The following ARHGAP6 variants were observed in gnomAD, a reference collection of about 807,000 sequenced individuals.
ARHGAP6 encodes the protein rho GTPase-activating protein 6.
A neutral mutation model predicts 55.7 loss-of-function variants in ARHGAP6; 16 were observed. That is an observed-to-expected ratio of 0.29 (90% confidence interval 0.19 to 0.44). ARHGAP6 has a LOEUF of 0.44. Among genes scored for constraint, ARHGAP6 ranks in the 20% least tolerant of loss-of-function variants. The pLI, the probability that ARHGAP6 is intolerant of heterozygous loss-of-function variation, is 1.00. For synonymous variants in ARHGAP6, 382 were observed against 360.9 expected (o/e 1.06, Z -0.66); for missense variants, 698 against 808.9 (o/e 0.86, Z 1.66).
At position 11,503,212 on chromosome X, in the gene ARHGAP6, T is replaced by C. The variant is rs147256104; in HGVS notation, c.588+161029A>G. Reference sequence around the variant, plus strand: ...TGCCCAGCCATATGCAGATTTTATATTGCAGAGAGGGTAGGAACCCCTAAC... The same window carrying C: ...TGCCCAGCCATATGCAGATTTTATACTGCAGAGAGGGTAGGAACCCCTAAC... On this transcript the variant is annotated intron_variant, in intron 1 of 12. Transcript: ENST00000337414. Among the ~76,000 whole-genome samples, 4 of 111,207 alleles carry C rather than the reference T, an allele frequency of 3.6e-5. No homozygotes were observed. The East Asian group carries it at 1.1e-3, about 32-fold the overall frequency.
At chrX:11,360,591 T>C (rs1286667851) in intron 1 of ARHGAP6, among the ~76,000 whole-genome samples, 25 of 108,286 alleles carry the variant, frequency 2.3e-4, no homozygotes, top group African/African-American at 7.8e-4. Context: ...CTTTGAAAAC[T>C]GGCACAAGAC....
Position 11,632,864 on chromosome X carries a change from G to A in ARHGAP6, c.588+31377C>T, listed in dbSNP as rs1298806421. ...TGTGTCCATCCCTTGGCTTTTGTGG[G>A]CTTTGCTGCTAGTGACTGGCACCTG... On this transcript the variant is annotated intron_variant, in intron 1 of 12. Transcript: ENST00000337414. 3.6e-5 allele frequency among the ~76,000 whole-genome samples: 4 copies of A among 112,009 alleles called. 1 individual carries two copies. In the Admixed American group the frequency reaches 3.8e-4, roughly 11 times the overall value.
intron 1 of ARHGAP6, among the ~76,000 whole-genome samples, chrX:11,581,744 T>C (rs1222010049): frequency 3.6e-5 from 4 of 110,533 alleles, no homozygotes; most frequent in African/African-American, 9.9e-5. Context: ...AGTAGATGAG[T>C]GGTTGCTTAC....
intron 1 of ARHGAP6, among the ~76,000 whole-genome samples, chrX:11,383,301 G>A (rs1221624123): frequency 1.8e-5 from 2 of 111,515 alleles, no homozygotes; most frequent in Admixed American, 9.5e-5. Flanking sequence ...GTGACTTGAC[G>A]AAACTCAGGA....
In ARHGAP6 at chrX:11,569,946, G is replaced by C. The variant is rs145290160; in HGVS notation, c.588+94295C>G. On this transcript the variant is annotated intron_variant, in intron 1 of 12. Coordinates refer to ENST00000337414, the MANE Select transcript of ARHGAP6 (RefSeq NM_013427.3). Reference sequence around the variant, plus strand: ...TGTTGTGAAAATGCAAAAAGAGAAAGGCTCTGAGTAGAATGCAGAGCAAAA... The same window carrying C: ...TGTTGTGAAAATGCAAAAAGAGAAACGCTCTGAGTAGAATGCAGAGCAAAA... Among the ~76,000 whole-genome samples, 117 of 111,960 alleles carry C rather than the reference G, an allele frequency of 1.0e-3. 2 individuals carry two copies. In the East Asian group the frequency reaches 0.03, roughly 29 times the overall value.
rs1417354618 is a variant in ARHGAP6 at position 11,507,698 on chromosome X, A to ATTCCATCTAG, written c.588+156542_588+156543insCTAGATGGAA. Among the ~76,000 whole-genome samples the ATTCCATCTAG allele has an allele frequency of 2.7e-5, 3 of 111,602 alleles. No individual in the cohort carries two copies. The East Asian group carries it at 8.5e-4, about 32-fold the overall frequency. On this transcript the variant is annotated intron_variant, in intron 1 of 12. Transcript: ENST00000337414. ...CATCTAGGGCTGTGGATTTCCACAG[A>ATTCCATCTAG]GGCAATTGTGCCCCCAGGCAGACAT...
intron 3 of ARHGAP6, among the ~76,000 whole-genome samples, chrX:11,195,959 CAAAAAAAAAAAAAAAAA>C (rs1024986729): frequency 1.2e-4 from 1 of 8,413 alleles, no homozygotes; most frequent in Non-Finnish European, 2.5e-4. Context: ...ACTAAAAATA[CAAAAAAAAAAAAAAAAA>C]AAAAAAAAAA....
chrX:11,514,607 C>A (rs1331668301), intron 1 of ARHGAP6, among the ~76,000 whole-genome samples: 2 of 110,424 alleles, frequency 1.8e-5, no homozygotes, highest in African/African-American at 6.6e-5. Context: ...ACCCAATGGC[C>A]TCTTATGCCT....
chrX:11,331,316 A>T (rs1298063801), intron 1 of ARHGAP6, among the ~76,000 whole-genome samples: 1 of 111,633 alleles, frequency 9.0e-6, no homozygotes, highest in African/African-American at 3.3e-5. Flanking sequence ...TTAGCATTTA[A>T]ATCAGACCCT....
intron 1 of ARHGAP6, among the ~76,000 whole-genome samples, chrX:11,356,099 A>T (rs1161130363): frequency 1.8e-5 from 2 of 111,263 alleles, no homozygotes; most frequent in Non-Finnish European, 3.8e-5. Flanking sequence ...CAGCTTTATT[A>T]ACTTTCTACT....
intron 1 of ARHGAP6, among the ~76,000 whole-genome samples, chrX:11,621,205 A>G (rs2052226154): frequency 8.9e-6 from 1 of 112,228 alleles, no homozygotes; most frequent in Non-Finnish European, 1.9e-5. Context: ...AACACAAACA[A>G]AAAATTCACT....
chrX:11,518,252 C>T (rs891073729), intron 1 of ARHGAP6, among the ~76,000 whole-genome samples: 4 of 109,815 alleles, frequency 3.6e-5, no homozygotes, highest in African/African-American at 9.9e-5. Context: ...ATGATCTTCC[C>T]GCCTCAGCCT....
At chrX:11,264,117 C>G (rs928308505) in intron 1 of ARHGAP6, among the ~76,000 whole-genome samples, 1 of 110,376 alleles carries the variant, frequency 9.1e-6, no homozygotes, top group Admixed American at 9.7e-5. Flanking sequence ...GACCCCTGGA[C>G]TGGACTAAAA....
chrX:11,567,566 A>AAAAAAAAAAAAATATATATATAT (rs1440758737), intron 1 of ARHGAP6, among the ~76,000 whole-genome samples: 94 of 84,345 alleles, frequency 1.1e-3, no homozygotes, highest in African/African-American at 1.5e-3. Context: ...AAAAAAAAAA[A>AAAAAAAAAAAAATATATATATAT]ATATATATAT....
At chrX:11,410,656 G>C (rs1261187442) in intron 1 of ARHGAP6, among the ~76,000 whole-genome samples, 1 of 112,228 alleles carries the variant, frequency 8.9e-6, no homozygotes, top group African/African-American at 3.2e-5. Context: ...TCAATAGAGA[G>C]GGTTTAAACA....
chrX:11,138,837 C>CA lies in ARHGAP6; in HGVS notation c.*25dup. The CA allele has an allele frequency of 8.6e-7, 1 of 1,162,714 alleles. No homozygotes were observed. The highest frequency in any genetic ancestry group is 1.9e-5 in the South Asian group (1 of 53,184). On this transcript the variant is annotated 3_prime_UTR_variant, in exon 13 of 13. Coordinates refer to ENST00000337414, the MANE Select transcript of ARHGAP6 (RefSeq NM_013427.3). ...GGGCTGGAGGGCGGGGGGCTCGGGG[C>CA]AGGGGGGGCTCGGCTGGGTGCGGGC...
At chrX:11,459,802 T>C (rs1379544084) in intron 1 of ARHGAP6, among the ~76,000 whole-genome samples, 1 of 111,973 alleles carries the variant, frequency 8.9e-6, no homozygotes, top group Non-Finnish European at 1.9e-5. Flanking sequence ...CTGTATTTTG[T>C]CTTAACTCCC....
intron 1 of ARHGAP6, among the ~76,000 whole-genome samples, chrX:11,573,136 G>A (rs1601658632): frequency 9.0e-6 from 1 of 111,029 alleles, no homozygotes; most frequent in East Asian, 2.8e-4. Context: ...TTTGTAGGTT[G>A]CCTGTTCACT....
chrX:11,140,916 A>T (rs1294436105), intron 12 of ARHGAP6, among the ~76,000 whole-genome samples: 1 of 112,099 alleles, frequency 8.9e-6, no homozygotes, highest in Non-Finnish European at 1.9e-5. Flanking sequence ...ACAAGGAACA[A>T]GAACAAGGCC....
Sources: gnomAD v4.1 joint callset for allele counts (sites outside exome capture counted in the v4.1 genomes callset) on GRCh38, gnomAD v4.1.1 for gene constraint, MANE v1.5 for transcripts, NCBI Gene and HGNC (gene_info 2026-07-23, HGNC 2026-07-21) for gene names.